Variants in ELAVL2 observed in about 807,000 individuals in gnomAD.
The protein encoded by ELAVL2 is ELAV-like protein 2.
ELAVL2 carries 4 observed loss-of-function variants against 34.6 expected under a neutral mutation model. The ratio of observed to expected loss-of-function variants is 0.12; its 90% confidence interval spans 0.06 to 0.26. The LOEUF (loss-of-function observed/expected upper bound fraction) is 0.26, where lower values mean the gene tolerates loss of function less well. ELAVL2 is among the 10% of genes least tolerant of loss of function. ELAVL2 has a pLI of 1.00. For synonymous variants in ELAVL2, 193 were observed against 154.8 expected (o/e 1.25, Z -1.83); for missense variants, 432 against 442.8 (o/e 0.98, Z 0.22).
chr9:23,716,496 C>A (rs1391297287), intron 3 of ELAVL2, among the ~76,000 whole-genome samples: 1 of 152,024 alleles, frequency 6.6e-6, no homozygotes, highest in African/African-American at 2.4e-5. Flanking sequence ...AAACGAAAAA[C>A]CTCCAAGAAT....
intron 1 of ELAVL2, among the ~76,000 whole-genome samples, chr9:23,795,954 G>C (rs1006904491): frequency 3.9e-5 from 6 of 152,278 alleles, no homozygotes; most frequent in African/African-American, 1.4e-4. Context: ...TGCATAAGTG[G>C]ATGTTTAAAT....
chr9:23,841,836 G>A, the ELAVL2 span, among the ~76,000 whole-genome samples: 21 of 152,074 alleles, frequency 1.4e-4, no homozygotes, highest in Non-Finnish European at 2.8e-4. Flanking sequence ...AGAAACTAGA[G>A]GAAAATAATT....
chr9:23,816,620 G>C (rs994820922), intron 1 of ELAVL2, among the ~76,000 whole-genome samples: 1 of 152,096 alleles, frequency 6.6e-6, no homozygotes, highest in East Asian at 1.9e-4. Context: ...TTTTTCAACT[G>C]TATGGTGATA....
intron 5 of ELAVL2, among the ~76,000 whole-genome samples, chr9:23,699,907 T>C (rs920804651): frequency 6.7e-6 from 1 of 149,376 alleles, no homozygotes; most frequent in Admixed American, 6.7e-5. Context: ...TCAATGCTTT[T>C]GACAGTACCA....
chr9:23,819,709 G>A (rs567837998), intron 1 of ELAVL2, among the ~76,000 whole-genome samples: 2 of 152,184 alleles, frequency 1.3e-5, no homozygotes, highest in East Asian at 1.9e-4. Flanking sequence ...AGGCAACAAG[G>A]GGCTGGTTTT....
chr9:23,817,628 C>G (rs1332585900), intron 1 of ELAVL2, among the ~76,000 whole-genome samples: 1 of 152,064 alleles, frequency 6.6e-6, no homozygotes, highest in Non-Finnish European at 1.5e-5. Flanking sequence ...CAAGAGTTAC[C>G]TTTTGTTTTG....
At chr9:23,768,443 CTTTTTT>C (rs527710583) in intron 1 of ELAVL2, among the ~76,000 whole-genome samples, 10 of 140,146 alleles carry the variant, frequency 7.1e-5, no homozygotes, top group African/African-American at 2.6e-4. Flanking sequence ...AACTAGGTAA[CTTTTTT>C]TTTTTTTTTT....
chr9:23,765,163 G>T, intron 1 of ELAVL2: 1 of 1,462,074 alleles, frequency 6.8e-7, no homozygotes, highest in Non-Finnish European at 9.3e-7. Flanking sequence ...AAATCAGTTT[G>T]TACAAAATTT....
the ELAVL2 span, among the ~76,000 whole-genome samples, chr9:23,849,125 G>C: frequency 6.6e-6 from 1 of 152,072 alleles, no homozygotes; most frequent in Non-Finnish European, 1.5e-5. Flanking sequence ...AAATGAATGA[G>C]AAAAAGGGGC....
intron 1 of ELAVL2, among the ~76,000 whole-genome samples, chr9:23,792,822 G>GT (rs2060481052): frequency 6.6e-6 from 1 of 151,956 alleles, no homozygotes; most frequent in Non-Finnish European, 1.5e-5. Flanking sequence ...CCAGGATGGA[G>GT]TACAGCGGTG....
At chr9:23,708,858 G>T (rs559306230) in intron 3 of ELAVL2, among the ~76,000 whole-genome samples, 1 of 151,896 alleles carries the variant, frequency 6.6e-6, no homozygotes, top group Non-Finnish European at 1.5e-5. Flanking sequence ...GCCTGGTCTC[G>T]AATGCCTGAC....
At chr9:23,785,271 AGT>A (rs2059546684) in intron 1 of ELAVL2, among the ~76,000 whole-genome samples, 1 of 152,212 alleles carries the variant, frequency 6.6e-6, no homozygotes, top group Non-Finnish European at 1.5e-5. Flanking sequence ...ATGAAAACAA[AGT>A]GTTTATCAAG....
At chr9:23,821,460 T>G (rs2064704234) in intron 1 of ELAVL2, 1 of 152,134 alleles carries the variant, frequency 6.6e-6, no homozygotes, top group African/African-American at 2.4e-5. Flanking sequence ...CCCACCAGTG[T>G]TCCCGCCCAG....
At chr9:23,782,922 T>C (rs999481151) in intron 1 of ELAVL2, among the ~76,000 whole-genome samples, 1 of 152,168 alleles carries the variant, frequency 6.6e-6, no homozygotes, top group African/African-American at 2.4e-5. Flanking sequence ...ATTTCTTTGA[T>C]AGCCTCTTCT....
At chr9:23,749,053 G>T (rs1564255687) in intron 2 of ELAVL2, among the ~76,000 whole-genome samples, 1 of 152,084 alleles carries the variant, frequency 6.6e-6, no homozygotes, top group Admixed American at 6.6e-5. Context: ...ACTGGAAATG[G>T]ATAAGGGTGA....
chr9:23,714,069 A>T (rs2041706833), intron 3 of ELAVL2, among the ~76,000 whole-genome samples: 1 of 152,244 alleles, frequency 6.6e-6, no homozygotes, highest in Non-Finnish European at 1.5e-5. Flanking sequence ...TAATCATAAC[A>T]TCATTTTATA....
At chr9:23,705,701 T>G (rs1471263940) in intron 3 of ELAVL2, among the ~76,000 whole-genome samples, 1 of 152,176 alleles carries the variant, frequency 6.6e-6, no homozygotes, top group Non-Finnish European at 1.5e-5. Context: ...CAAAATAGGG[T>G]TTGTGCCCTG....
At chr9:23,738,233 A>T (rs1246680232) in intron 2 of ELAVL2, among the ~76,000 whole-genome samples, 1 of 152,214 alleles carries the variant, frequency 6.6e-6, no homozygotes, top group Non-Finnish European at 1.5e-5. Context: ...ACCACACAGC[A>T]GGGAAAAGGT....
At chr9:23,699,159 T>C (rs1299582415) in intron 5 of ELAVL2, among the ~76,000 whole-genome samples, 1 of 152,150 alleles carries the variant, frequency 6.6e-6, no homozygotes, top group Non-Finnish European at 1.5e-5. Flanking sequence ...ATAATTAAAT[T>C]TGACCATAAG....
Sources: allele counts gnomAD v4.1 joint callset (sites outside exome capture counted in the v4.1 genomes callset), GRCh38; gene constraint gnomAD v4.1.1; transcripts MANE v1.5; gene names NCBI Gene and HGNC (gene_info 2026-07-23, HGNC 2026-07-21).